EPB41L4A: variants seen among roughly 807,000 people sequenced by gnomAD.
The protein encoded by EPB41L4A is erythrocyte membrane protein band 4.1 like 4A, also known as band 4.1-like protein 4A.
A neutral mutation model predicts 108.6 loss-of-function variants in EPB41L4A; 100 were observed. The observed-to-expected ratio is 0.92, with a 90% CI of 0.78 to 1.09. The LOEUF (loss-of-function observed/expected upper bound fraction) is 1.09. EPB41L4A is among the 50% of genes least tolerant of loss of function. The probability of loss-of-function intolerance (pLI) is 0.00; values close to 1 mark genes in which losing one functional copy is unlikely to be tolerated. For synonymous variants in EPB41L4A, 319 were observed against 289.0 expected (o/e 1.10, Z -1.05); for missense variants, 1,030 against 842.7 (o/e 1.22, Z -2.75).
intron 9 of EPB41L4A, among the ~76,000 whole-genome samples, chr5:112,247,090 G>A (rs1223370319): frequency 6.6e-6 from 1 of 152,228 alleles, no homozygotes; most frequent in Non-Finnish European, 1.5e-5. Context: ...TGACAAAATC[G>A]CCTAACGACT....
chr5:112,299,309 C>T (rs985426704), intron 2 of EPB41L4A, among the ~76,000 whole-genome samples: 1 of 152,104 alleles, frequency 6.6e-6, no homozygotes, highest in African/African-American at 2.4e-5. Context: ...CTTAGCACTG[C>T]CTTTGCTGTA....
chr5:112,410,771 A>G (rs1264230183), intron 1 of EPB41L4A, among the ~76,000 whole-genome samples: 2 of 152,098 alleles, frequency 1.3e-5, no homozygotes, highest in Non-Finnish European at 2.9e-5. Flanking sequence ...TAGCTAAAAG[A>G]CTCAAGGGAA....
Position 112,243,293 on chromosome 5 carries a change from T to A in EPB41L4A, c.796-2483A>T, listed in dbSNP as rs985988589. Reference sequence around the variant, plus strand: ...TGTGTGTGTATATATATATATATATTTTGTTTGTTTGTTTGTTTCCTAAGC... The same window carrying A: ...TGTGTGTGTATATATATATATATATATTGTTTGTTTGTTTGTTTCCTAAGC... On this transcript the variant is annotated intron_variant, in intron 9 of 22. Transcript: ENST00000261486. Among the ~76,000 whole-genome samples the A allele has an allele frequency of 1.3e-3, 183 of 137,204 alleles. 2 individuals are homozygous for A. The highest frequency in any genetic ancestry group is 5.3e-3 in the Admixed American group (76 of 14,272). 90.0% of individuals were successfully genotyped at this position (137,204 alleles called of 152,430 possible).
intron 1 of EPB41L4A, among the ~76,000 whole-genome samples, chr5:112,340,766 A>G (rs1212402810): frequency 6.6e-6 from 1 of 152,228 alleles, no homozygotes; most frequent in Non-Finnish European, 1.5e-5. Context: ...TTTAAAAAGG[A>G]CGTATATTGT....
intron 9 of EPB41L4A, among the ~76,000 whole-genome samples, chr5:112,254,517 C>T (rs1345391459): frequency 6.6e-6 from 1 of 152,098 alleles, no homozygotes; most frequent in East Asian, 1.9e-4. Flanking sequence ...ACCCAATTTC[C>T]CCGCAAGTCC....
Position 112,162,735 on chromosome 5 carries a change from C to A in EPB41L4A, c.*2255G>T, listed in dbSNP as rs1180165964. On this transcript the variant is annotated 3_prime_UTR_variant, in exon 23 of 23. Transcript: ENST00000261486. ...TAGATAAGTGGAGGGAATGTCATCACAAATGTAAAACTTCACTATGAGATG... is the reference window on the plus strand; with the variant it reads ...TAGATAAGTGGAGGGAATGTCATCAAAAATGTAAAACTTCACTATGAGATG... The A allele has an allele frequency of 1.3e-5, 2 of 152,106 alleles. No individual in the cohort carries two copies. Among genetic ancestry groups the A allele is most frequent in the African/African-American group, 4.8e-5 (2 of 41,408 alleles). 9.4% of individuals were successfully genotyped at this position (152,106 alleles called of 1,614,324 possible). A position where few individuals can be genotyped will look rare whatever the true frequency, so the allele number is the denominator to read the frequency against.
chr5:112,395,668 C>A (rs1199978087), intron 1 of EPB41L4A, among the ~76,000 whole-genome samples: 3 of 152,172 alleles, frequency 2.0e-5, no homozygotes, highest in Non-Finnish European at 2.9e-5. Context: ...ACTAGTTCAA[C>A]CATTGTGGAA....
chr5:112,186,681 A>G (rs1761444081), intron 17 of EPB41L4A, among the ~76,000 whole-genome samples: 1 of 152,206 alleles, frequency 6.6e-6, no homozygotes, highest in African/African-American at 2.4e-5. Flanking sequence ...CATTTTCCTG[A>G]GTAATGGGTA....
At chr5:112,402,867 T>A (rs748408170) in intron 1 of EPB41L4A, among the ~76,000 whole-genome samples, 1 of 152,180 alleles carries the variant, frequency 6.6e-6, no homozygotes, top group Non-Finnish European at 1.5e-5. Context: ...ATATTGCTCA[T>A]CTTTTGAGAA....
chr5:112,398,120 G>C (rs1233412107), intron 1 of EPB41L4A, among the ~76,000 whole-genome samples: 2 of 152,138 alleles, frequency 1.3e-5, no homozygotes, highest in African/African-American at 4.8e-5. Context: ...GACAGGAAGA[G>C]GATCACACAG....
chr5:112,259,719 A>G (rs1751359318), intron 8 of EPB41L4A, among the ~76,000 whole-genome samples, 172 bp downstream of exon 8: 1 of 152,236 alleles, frequency 6.6e-6, no homozygotes, highest in Non-Finnish European at 1.5e-5. Context: ...TGAAATTTAC[A>G]GAGAAAACAT....
At chr5:112,211,310 G>A (rs1226390668) in intron 12 of EPB41L4A, among the ~76,000 whole-genome samples, 1 of 152,092 alleles carries the variant, frequency 6.6e-6, no homozygotes, top group Non-Finnish European at 1.5e-5. Context: ...TGGGCCAGGC[G>A]CAGTGGCTCA....
rs142054600 is a variant in EPB41L4A at position 112,185,300 on chromosome 5, G to A, written c.1503-1165C>T. 5.8e-4 allele frequency among the ~76,000 whole-genome samples: 89 copies of A among 152,302 alleles called. No homozygotes were observed. In the East Asian group the frequency reaches 8.9e-3, roughly 15 times the overall value. On this transcript the variant is annotated intron_variant, in intron 17 of 22. Transcript: ENST00000261486. ...GTAAAAAGAACAGGCAGGCTTGGAG[G>A]CATTTCCTTCTCTGAACAGATGTCT...
At chr5:112,296,986 T>TACAC (rs1473987396) in intron 2 of EPB41L4A, among the ~76,000 whole-genome samples, 13 of 126,392 alleles carry the variant, frequency 1.0e-4, no homozygotes, top group African/African-American at 3.7e-4. Context: ...CATATATACA[T>TACAC]ACATACACAC....
rs747378626 is a variant in EPB41L4A, at chr5:112,418,968, G to A, written c.72C>T (p.Thr24=). 5 of 1,613,430 alleles carry A rather than the reference G, an allele frequency of 3.1e-6. No individual in the cohort carries two copies. The South Asian group carries it at 3.3e-5, about 11-fold the overall frequency. Residue 24 remains threonine, a synonymous_variant, in exon 1 of 23, where the codon ACC becomes ACT. Transcript: ENST00000261486. ...TGATGCCCTGCTGCTGGGTGGTAAG[G>A]GTTAACTTGGATTCATCCAGGAGCA... ...EVLLLDESKL[T]LTTQQQGIKK...
chr5:112,318,724 C>T (rs10214321), intron 1 of EPB41L4A, among the ~76,000 whole-genome samples: 7,647 of 152,246 alleles, frequency 0.05, 279 homozygotes, highest in Non-Finnish European at 0.075. Flanking sequence ...AGCTACACAA[C>T]CACAGATAAC....
chr5:112,165,262 A>T, intron 22 of EPB41L4A, 144 bp from the exon 23 acceptor site: 1 of 633,268 alleles, frequency 1.6e-6, no homozygotes, highest in East Asian at 2.8e-5. Context: ...CTATTCAATA[A>T]ATGTTCCCTC....
rs200648466 is a variant in EPB41L4A at position 112,419,035 on chromosome 5, C to T, written c.5G>A (p.Gly2Asp). MGCFCAVPEEFY... is the reference protein window; with the variant it reads MDCFCAVPEEFY... ...TTCTTCCGGAACAGCGCAGAAACAGCCCATGTCGGTTGTGGTCGTCTCCAG... is the reference window on the plus strand; with the variant it reads ...TTCTTCCGGAACAGCGCAGAAACAGTCCATGTCGGTTGTGGTCGTCTCCAG... Residue 2 changes from glycine (G) to aspartate (D), a missense_variant, in exon 1 of 23, where the codon GGC becomes GAC. By Grantham distance (94) the Gly-to-Asp change is moderately conservative (BLOSUM62 -1). Transcript: ENST00000261486. 3.4e-4 allele frequency: 550 copies of T among 1,612,910 alleles called. 1 individual carries two copies. The highest frequency in any genetic ancestry group is 2.1e-3 in the South Asian group (187 of 90,970).
intron 1 of EPB41L4A, among the ~76,000 whole-genome samples, chr5:112,364,094 C>A (rs985183079): frequency 6.6e-6 from 1 of 152,178 alleles, no homozygotes; most frequent in African/African-American, 2.4e-5. Context: ...GTGGCGCAAC[C>A]TCAGCTCACT....
Sources: allele counts gnomAD v4.1 joint callset (sites outside exome capture counted in the v4.1 genomes callset), GRCh38; gene constraint gnomAD v4.1.1; transcripts MANE v1.5; gene names NCBI Gene and HGNC (gene_info 2026-07-23, HGNC 2026-07-21).